RAB3C: variants seen among roughly 807,000 people sequenced by gnomAD.
RAB3C encodes the protein ras-related protein Rab-3C.
Under a neutral mutation model 26.4 loss-of-function variants are expected in RAB3C, and 17 were observed. That is an observed-to-expected ratio of 0.64 (90% CI 0.44 to 0.97). The LOEUF is 0.97. RAB3C is among the 50% of genes least tolerant of loss of function. The pLI is 0.00. For missense variants in RAB3C, 242 were observed against 281.9 expected, an observed-to-expected ratio of 0.86 and a Z score of 1.01; for synonymous variants, 91 against 95.9, an observed-to-expected ratio of 0.95 and a Z score of 0.30.
Position 58,788,018 on chromosome 5 carries a change from G to A in RAB3C, c.372-37020G>A, listed in dbSNP as rs543615215. On this transcript the variant is annotated intron_variant, in intron 3 of 4. Transcript: ENST00000282878. ...AACCTTACCACAGAAATGCAGGTTG[G>A]AGGAACAGAGAGCGAGAGGGCAGGT... 5.3e-5 allele frequency among the ~76,000 whole-genome samples: 8 copies of A among 152,278 alleles called. 1 individual carries two copies. Among genetic ancestry groups the A allele is most frequent in the African/African-American group, 1.7e-4 (7 of 41,554 alleles).
At position 58,852,838 on chromosome 5, in the gene RAB3C, T is replaced by C. The variant is rs1744142609; in HGVS notation, c.*1487T>C. ...TTTCGTTAAGTGAACTTTCTACTTT[T>C]TTGGTGGTTATGTCAAAGAATTTTT... On this transcript the variant is annotated 3_prime_UTR_variant, in exon 5 of 5. Coordinates refer to ENST00000282878, the MANE Select transcript of RAB3C (RefSeq NM_138453.4). The C allele has an allele frequency of 6.6e-6, 1 of 151,550 alleles. No individual in the cohort carries two copies. The allele number at this position is 151,550 out of a possible 1,614,324, so 9.4% of individuals were successfully genotyped here. A position where few individuals can be genotyped will look rare whatever the true frequency, so the allele number is the denominator to read the frequency against.
At chr5:58,688,637 C>T (rs538542191) in intron 2 of RAB3C, among the ~76,000 whole-genome samples, 14 of 152,176 alleles carry the variant, frequency 9.2e-5, no homozygotes, top group African/African-American at 3.1e-4. Flanking sequence ...ACAGAAAGAC[C>T]AGGAAAGATT....
chr5:58,802,482 G>A (rs11742562), intron 3 of RAB3C, among the ~76,000 whole-genome samples: 25,594 of 152,114 alleles, frequency 0.17, 2,331 homozygotes, highest in Non-Finnish European at 0.2. Flanking sequence ...CATACCTAAC[G>A]GCCACGGCTG....
chr5:58,753,154 A>C (rs545207019), intron 3 of RAB3C, among the ~76,000 whole-genome samples: 136 of 152,310 alleles, frequency 8.9e-4, no homozygotes, highest in African/African-American at 3.3e-3. Context: ...CTGAATGAAA[A>C]TAATTATCTG....
chr5:58,648,024 T>A (rs76911677), intron 2 of RAB3C, among the ~76,000 whole-genome samples: 1 of 152,210 alleles, frequency 6.6e-6, no homozygotes, highest in African/African-American at 2.4e-5. Context: ...CCACAGTTTT[T>A]ATCTAAGTTT....
intron 2 of RAB3C, among the ~76,000 whole-genome samples, chr5:58,619,472 TTC>T (rs1746890254): frequency 6.6e-6 from 1 of 152,196 alleles, no homozygotes; most frequent in African/African-American, 2.4e-5. Context: ...GGTTCCTTAA[TTC>T]TCAGGGGCTT....
At chr5:58,628,762 G>A (rs887367415) in intron 2 of RAB3C, among the ~76,000 whole-genome samples, 3 of 152,142 alleles carry the variant, frequency 2.0e-5, no homozygotes, top group African/African-American at 7.2e-5. Context: ...AGAAGGGCTG[G>A]GATTCAGAGG....
chr5:58,697,085 CT>C (rs1748716836), intron 2 of RAB3C, among the ~76,000 whole-genome samples: 1 of 152,214 alleles, frequency 6.6e-6, no homozygotes, highest in African/African-American at 2.4e-5. Context: ...CCTCTACACA[CT>C]GCTTTAAACG....
At chr5:58,736,314 A>G (rs566924869) in intron 3 of RAB3C, among the ~76,000 whole-genome samples, 5 of 152,336 alleles carry the variant, frequency 3.3e-5, no homozygotes, top group South Asian at 4.1e-4. Flanking sequence ...TGGAGATTTT[A>G]TATGCTAATG....
chr5:58,780,365 G>T (rs571802867), intron 3 of RAB3C, among the ~76,000 whole-genome samples: 200 of 152,252 alleles, frequency 1.3e-3, no homozygotes, highest in Middle Eastern at 6.8e-3. Context: ...GCCTCGCAAC[G>T]CTGAAAGATA....
chr5:58,799,080 G>A (rs1007540070), intron 3 of RAB3C, among the ~76,000 whole-genome samples: 5 of 152,148 alleles, frequency 3.3e-5, no homozygotes, highest in African/African-American at 4.8e-5. Flanking sequence ...ATTTGAATAT[G>A]GGGTACATAT....
chr5:58,856,534 G>A lies in RAB3C; in HGVS notation c.*5183G>A, dbSNP rs1744264023. The A allele has an allele frequency of 6.6e-6, 1 of 152,142 alleles. No homozygotes were observed. The highest frequency in any genetic ancestry group is 6.6e-5 in the Admixed American group (1 of 15,264). The allele number at this position is 152,142 out of a possible 1,614,324, so 9.4% of individuals were successfully genotyped here. A position where few individuals can be genotyped will look rare whatever the true frequency, so the allele number is the denominator to read the frequency against. ...TTCCCATCAGCAACCATTACTGGTGGAGTTTCAAACAGTCATTACTTGCTG... is the reference window on the plus strand; with the variant it reads ...TTCCCATCAGCAACCATTACTGGTGAAGTTTCAAACAGTCATTACTTGCTG... On this transcript the variant is annotated 3_prime_UTR_variant, in exon 5 of 5. Coordinates refer to ENST00000282878, the MANE Select transcript of RAB3C (RefSeq NM_138453.4).
At chr5:58,803,432 T>C (rs1011559651) in intron 3 of RAB3C, among the ~76,000 whole-genome samples, 4 of 152,348 alleles carry the variant, frequency 2.6e-5, no homozygotes, top group African/African-American at 4.8e-5. Context: ...TAGACTTCCA[T>C]TGAGGTATTC....
rs547512456 is a variant in RAB3C, at chr5:58,745,919, CAAAT to C, written c.371+19800_371+19803del. Among the ~76,000 whole-genome samples the C allele has an allele frequency of 5.3e-4, 81 of 152,216 alleles. No homozygotes were observed. In the South Asian group the frequency reaches 5.8e-3, roughly 11 times the overall value. On this transcript the variant is annotated intron_variant, in intron 3 of 4. Transcript: ENST00000282878. ...AGGCACTTAATTAATATTCAGTTGA[CAAAT>C]GAATGAATGAATGAGGAAAATGCCC...
chr5:58,703,056 G>T (rs1748879564), intron 2 of RAB3C, among the ~76,000 whole-genome samples: 1 of 152,164 alleles, frequency 6.6e-6, no homozygotes, highest in Admixed American at 6.6e-5. Flanking sequence ...TCCATGAAAA[G>T]AAATGTAAAT....
chr5:58,707,478 C>A (rs531574249), intron 2 of RAB3C, among the ~76,000 whole-genome samples: 1 of 152,284 alleles, frequency 6.6e-6, no homozygotes, highest in East Asian at 1.9e-4. Context: ...ATTTTCATAG[C>A]AACCTTAGGT....
chr5:58,599,056 A>C (rs1409312256), intron 1 of RAB3C, among the ~76,000 whole-genome samples: 1 of 152,066 alleles, frequency 6.6e-6, no homozygotes, highest in African/African-American at 2.4e-5. Flanking sequence ...AAACAAAATA[A>C]AACAAAAACC....
intron 4 of RAB3C, among the ~76,000 whole-genome samples, chr5:58,846,011 G>A (rs1229365573): frequency 1.3e-5 from 2 of 152,026 alleles, no homozygotes; most frequent in Non-Finnish European, 2.9e-5. Context: ...TATTTTCACT[G>A]TTCATCCATG....
chr5:58,608,146 T>C (rs1008055288), intron 1 of RAB3C, among the ~76,000 whole-genome samples: 1 of 152,074 alleles, frequency 6.6e-6, no homozygotes, highest in African/African-American at 2.4e-5. Flanking sequence ...GCAAATTGGA[T>C]AAAGAGTCCA....
Sources: allele counts gnomAD v4.1 joint callset (sites outside exome capture counted in the v4.1 genomes callset), GRCh38; gene constraint gnomAD v4.1.1; transcripts MANE v1.5; gene names NCBI Gene and HGNC (gene_info 2026-07-23, HGNC 2026-07-21).